The following AFAP1 variants were observed in gnomAD, a reference collection of about 807,000 sequenced individuals.
The protein encoded by AFAP1 is actin filament associated protein 1.
In AFAP1, 75 loss-of-function variants were observed where a neutral mutation model predicts 93.9. That is an observed-to-expected ratio of 0.80 (90% CI 0.66 to 0.97). The LOEUF (loss-of-function observed/expected upper bound fraction) is 0.97. Ranked by LOEUF, AFAP1 falls within the 50% of genes least tolerant of loss-of-function variation. The probability of loss-of-function intolerance (pLI) is 0.00; values close to 1 mark genes in which losing one functional copy is unlikely to be tolerated. For synonymous variants in AFAP1, 517 were observed against 430.7 expected (o/e 1.20, Z -2.48); for missense variants, 1,201 against 1,050.8 (o/e 1.14, Z -1.98).
At chr4:7,889,492 G>A (rs1472876450) in intron 1 of AFAP1, among the ~76,000 whole-genome samples, 2 of 144,730 alleles carry the variant, frequency 1.4e-5, no homozygotes, top group South Asian at 2.2e-4. Context: ...GGTGGAGGTT[G>A]CAGTGAGCCA....
At chr4:7,811,299 G>T (rs902717938) in intron 8 of AFAP1, among the ~76,000 whole-genome samples, 6 of 152,118 alleles carry the variant, frequency 3.9e-5, no homozygotes, top group African/African-American at 1.4e-4. Flanking sequence ...TGAGAGTCAA[G>T]GACTCCCTCC....
At chr4:7,771,892 G>A (rs1715490594) in intron 16 of AFAP1, among the ~76,000 whole-genome samples, 1 of 152,162 alleles carries the variant, frequency 6.6e-6, no homozygotes, top group South Asian at 2.1e-4. Flanking sequence ...TGGAGGAGAA[G>A]GGGAGAGTAA....
chr4:7,871,858 A>T (rs983539772), intron 2 of AFAP1, 94 bp downstream of exon 2: 3 of 1,477,152 alleles, frequency 2.0e-6, no homozygotes, highest in African/African-American at 2.8e-5. Context: ...GTTAAAGAAC[A>T]AATAAATATA....
chr4:7,893,798 C>T (rs943272374), intron 1 of AFAP1, among the ~76,000 whole-genome samples: 6 of 152,062 alleles, frequency 3.9e-5, no homozygotes, highest in Admixed American at 3.9e-4. Context: ...ACGCTGCTGG[C>T]CATGGGTCGC....
intron 1 of AFAP1, among the ~76,000 whole-genome samples, chr4:7,895,822 T>C (rs1718727989): frequency 1.3e-5 from 2 of 151,572 alleles, no homozygotes; most frequent in Admixed American, 1.3e-4. Flanking sequence ...ACTTTACCAC[T>C]TCTACATGGA....
At chr4:7,850,897 G>T (rs887716106) in intron 4 of AFAP1, among the ~76,000 whole-genome samples, 2 of 152,190 alleles carry the variant, frequency 1.3e-5, no homozygotes, top group African/African-American at 4.8e-5. Flanking sequence ...TGCGCTTCAC[G>T]GCCAGCTTTC....
chr4:7,819,222 A>G (rs369268552), intron 6 of AFAP1, 51 bp from the exon 7 acceptor site: 9 of 1,518,082 alleles, frequency 5.9e-6, no homozygotes, highest in Admixed American at 3.8e-5. Context: ...AGAGATACTT[A>G]AAGGCTTGAA....
Position 7,763,747 on chromosome 4 carries a change from GA to G in AFAP1, c.*17del. The G allele has an allele frequency of 6.4e-7, 1 of 1,551,662 alleles. No homozygotes were observed. The highest frequency in any genetic ancestry group is 8.7e-7 in the Non-Finnish European group (1 of 1,146,952). ...AGGGGGTGTGCAGTCTCTGAGGCTG[GA>G]GTGGTGCTGCTGTCCCCTAGGTCCC... On this transcript the variant is annotated 3_prime_UTR_variant, in exon 18 of 18. Transcript: ENST00000420658.
intron 1 of AFAP1, among the ~76,000 whole-genome samples, chr4:7,883,508 C>T (rs1717968211): frequency 6.6e-6 from 1 of 152,098 alleles, no homozygotes; most frequent in East Asian, 1.9e-4. Context: ...TCCCCCACTA[C>T]TTTTTAACAC....
At chr4:7,914,361 T>C (rs1043705651) in intron 1 of AFAP1, among the ~76,000 whole-genome samples, 53 of 152,154 alleles carry the variant, frequency 3.5e-4, no homozygotes, top group African/African-American at 1.2e-3. Context: ...AGCCTGAAAC[T>C]ATATATATTC....
At chr4:7,827,053 G>C (rs973890253) in intron 6 of AFAP1, among the ~76,000 whole-genome samples, 1 of 152,138 alleles carries the variant, frequency 6.6e-6, no homozygotes, top group Non-Finnish European at 1.5e-5. Flanking sequence ...ATTTAAAAAA[G>C]AAAGAAAGAA....
intron 1 of AFAP1, among the ~76,000 whole-genome samples, chr4:7,928,626 T>C (rs1167919717): frequency 6.6e-6 from 1 of 152,202 alleles, no homozygotes; most frequent in Non-Finnish European, 1.5e-5. Flanking sequence ...GACCTCATGA[T>C]TCGCCCACCT....
intron 3 of AFAP1, among the ~76,000 whole-genome samples, chr4:7,868,375 T>C (rs1716661449): frequency 6.6e-6 from 1 of 152,156 alleles, no homozygotes; most frequent in South Asian, 2.1e-4. Flanking sequence ...GCTCCTGCTA[T>C]AGGTAATTTA....
At position 7,774,736 on chromosome 4, in the gene AFAP1, T is replaced by C. The variant is rs902808789; in HGVS notation, c.2062+3A>G. Reference sequence around the variant, plus strand: ...CCTGGGCAGTCACCCACACCCTTCATACCGGCGTTCACTTCAATAGCCGCT... The same window carrying C: ...CCTGGGCAGTCACCCACACCCTTCACACCGGCGTTCACTTCAATAGCCGCT... On this transcript the variant is annotated splice_donor_region_variant and intron_variant, in intron 15 of 17. Coordinates refer to ENST00000420658, the MANE Select transcript of AFAP1 (RefSeq NM_001134647.2). 1.9e-6 allele frequency: 3 copies of C among 1,614,086 alleles called. No homozygotes were observed. The highest frequency in any genetic ancestry group is 1.7e-5 in the Admixed American group (1 of 60,018).
chr4:7,827,554 G>A (rs1721533121), intron 6 of AFAP1, among the ~76,000 whole-genome samples: 1 of 65,678 alleles, frequency 1.5e-5, no homozygotes, highest in East Asian at 3.2e-4. Context: ...ATGAACAAGA[G>A]TGAAACTCTG....
chr4:7,871,355 T>C (rs1717021454), intron 2 of AFAP1, among the ~76,000 whole-genome samples: 1 of 152,190 alleles, frequency 6.6e-6, no homozygotes, highest in Admixed American at 6.5e-5. Flanking sequence ...ACAGTTGTGC[T>C]GAAACCCTGC....
chr4:7,867,515 C>T (rs1194506002), intron 3 of AFAP1, among the ~76,000 whole-genome samples: 1 of 152,196 alleles, frequency 6.6e-6, no homozygotes. Flanking sequence ...CTGAGGCATG[C>T]TTGCATCTGA....
intron 10 of AFAP1, among the ~76,000 whole-genome samples, 158 bp from the exon 11 acceptor site, chr4:7,793,984 C>CA (rs1225771764): frequency 6.6e-6 from 1 of 152,336 alleles, no homozygotes; most frequent in South Asian, 2.1e-4. Flanking sequence ...GGATTAACGT[C>CA]ACGTTCGCAG....
intron 1 of AFAP1, among the ~76,000 whole-genome samples, chr4:7,873,672 T>G (rs1027175453): frequency 1.3e-5 from 2 of 152,040 alleles, no homozygotes; most frequent in South Asian, 4.1e-4. Context: ...TAACGTATCA[T>G]TGAATGACAT....
Sources: allele counts gnomAD v4.1 joint callset (sites outside exome capture counted in the v4.1 genomes callset), GRCh38; gene constraint gnomAD v4.1.1; transcripts MANE v1.5; gene names NCBI Gene and HGNC (gene_info 2026-07-23, HGNC 2026-07-21).